SLC9A9: variants seen among roughly 807,000 people sequenced by gnomAD.
SLC9A9 encodes the protein solute carrier family 9 member A9, also known as sodium/hydrogen exchanger 9.
SLC9A9 carries 62 observed loss-of-function variants against 77.8 expected under a neutral mutation model. That is an observed-to-expected ratio of 0.80 (90% confidence interval 0.65 to 0.98). The LOEUF (loss-of-function observed/expected upper bound fraction) is 0.98, where lower values mean the gene tolerates loss of function less well. SLC9A9 is among the 50% of genes least tolerant of loss of function. The pLI is 0.00. For missense variants in SLC9A9, 775 were observed against 774.9 expected, an observed-to-expected ratio of 1.00 and a Z score of 0.00; for synonymous variants, 320 against 283.5, an observed-to-expected ratio of 1.13 and a Z score of -1.29.
At chr3:143,363,632 C>T in intron 13 of SLC9A9, 69 bp from the exon 14 acceptor site, 1 of 1,383,862 alleles carries the variant, frequency 7.2e-7, no homozygotes, top group East Asian at 2.4e-5. Context: ...AAATACATGT[C>T]AAACCAAGTT....
At chr3:143,284,427 A>C (rs1418458528) in intron 14 of SLC9A9, among the ~76,000 whole-genome samples, 3 of 150,936 alleles carry the variant, frequency 2.0e-5, no homozygotes, top group Non-Finnish European at 4.4e-5. Flanking sequence ...TTTGAAACCA[A>C]ATTTGAAATC....
At position 143,308,943 on chromosome 3, in the gene SLC9A9, T is replaced by C. The variant is rs187681357; in HGVS notation, c.1605-39963A>G. 1.5e-4 allele frequency among the ~76,000 whole-genome samples: 23 copies of C among 152,130 alleles called. No homozygotes were observed. The East Asian group carries it at 3.7e-3, about 24-fold the overall frequency. On this transcript the variant is annotated intron_variant, in intron 14 of 15. Transcript: ENST00000316549. ...CTTCAGCTTCTCTTAGGCTCAGTTT[T>C]CCCCCCATAAAACATGGAGATTGCA...
At chr3:143,298,526 G>C (rs746184195) in intron 14 of SLC9A9, among the ~76,000 whole-genome samples, 36 of 152,208 alleles carry the variant, frequency 2.4e-4, no homozygotes, top group Middle Eastern at 3.2e-3. Flanking sequence ...AAAGCTCAAG[G>C]CTGCTCAGTA....
intron 6 of SLC9A9, among the ~76,000 whole-genome samples, chr3:143,599,775 C>T (rs908706970): frequency 4.6e-5 from 7 of 152,202 alleles, no homozygotes; most frequent in South Asian, 2.1e-4. Context: ...AAATCTTATG[C>T]GTCCCTCAAG....
intron 4 of SLC9A9, among the ~76,000 whole-genome samples, chr3:143,782,874 C>T (rs1214220768): frequency 2.0e-5 from 3 of 152,144 alleles, no homozygotes; most frequent in Non-Finnish European, 4.4e-5. Flanking sequence ...ATATATTTGA[C>T]AATCAAAGCC....
At chr3:143,801,678 C>T (rs1244953104) in intron 2 of SLC9A9, among the ~76,000 whole-genome samples, 1 of 152,202 alleles carries the variant, frequency 6.6e-6, no homozygotes, top group African/African-American at 2.4e-5. Context: ...CTAATCGCCA[C>T]TCACCAGCAA....
At chr3:143,473,182 AC>A (rs1326474345) in intron 11 of SLC9A9, among the ~76,000 whole-genome samples, 2 of 151,818 alleles carry the variant, frequency 1.3e-5, no homozygotes, top group Non-Finnish European at 2.9e-5. Context: ...CCATCTCACA[AC>A]CTGCCTGTGC....
chr3:143,751,684 T>C (rs891606874), intron 4 of SLC9A9, among the ~76,000 whole-genome samples: 2 of 152,180 alleles, frequency 1.3e-5, no homozygotes, highest in African/African-American at 4.8e-5. Context: ...GAACCTCTGC[T>C]TCAGGGTTGG....
In SLC9A9 at chr3:143,662,386, C is replaced by T. The variant is rs186523552; in HGVS notation, c.650-10026G>A. ...TCCAGTCTACAGCTCCCAGCATGAG[C>T]GATGCAGAAGACAGGTGATTTCTGC... On this transcript the variant is annotated intron_variant, in intron 5 of 15. Coordinates refer to ENST00000316549, the MANE Select transcript of SLC9A9 (RefSeq NM_173653.4). Among the ~76,000 whole-genome samples, 35 of 152,346 alleles carry T rather than the reference C, an allele frequency of 2.3e-4. No individual in the cohort carries two copies. In the East Asian group the frequency reaches 2.7e-3, roughly 12 times the overall value.
At chr3:143,729,788 C>T (rs1934754991) in intron 4 of SLC9A9, among the ~76,000 whole-genome samples, 1 of 152,152 alleles carries the variant, frequency 6.6e-6, no homozygotes, top group African/African-American at 2.4e-5. Flanking sequence ...GTTGTGTCTG[C>T]TACTTAAGGC....
chr3:143,404,101 C>A (rs1214279046), intron 12 of SLC9A9, among the ~76,000 whole-genome samples: 1 of 151,500 alleles, frequency 6.6e-6, no homozygotes, highest in East Asian at 1.9e-4. Flanking sequence ...ATAGTTGGGC[C>A]CTTTTAGGAA....
chr3:143,806,525 C>A (rs767134060), intron 2 of SLC9A9, among the ~76,000 whole-genome samples: 1 of 152,094 alleles, frequency 6.6e-6, no homozygotes, highest in African/African-American at 2.4e-5. Context: ...GAAAAAAAAA[C>A]TTACTTTTGA....
chr3:143,798,095 A>C (rs116708439), intron 2 of SLC9A9, among the ~76,000 whole-genome samples: 24,040 of 151,468 alleles, frequency 0.16, 2,078 homozygotes, highest in South Asian at 0.29. Flanking sequence ...CGGTAAGCGG[A>C]CTCTCTTTAC....
chr3:143,843,183 G>A (rs1379405519), intron 1 of SLC9A9, among the ~76,000 whole-genome samples: 1 of 152,190 alleles, frequency 6.6e-6, no homozygotes, highest in Non-Finnish European at 1.5e-5. Flanking sequence ...GGGTGAAGTA[G>A]TAGGAAGCAT....
chr3:143,436,915 TC>T (rs1184727636), intron 12 of SLC9A9, among the ~76,000 whole-genome samples: 1 of 152,184 alleles, frequency 6.6e-6, no homozygotes, highest in Non-Finnish European at 1.5e-5. Context: ...CACTCAGAAG[TC>T]ACTTTCTTCT....
At chr3:143,488,305 G>A (rs1232709047) in intron 11 of SLC9A9, among the ~76,000 whole-genome samples, 2 of 151,914 alleles carry the variant, frequency 1.3e-5, no homozygotes, top group East Asian at 3.8e-4. Context: ...TGGTTTCACA[G>A]GTGATTTCTG....
chr3:143,269,343 C>T (rs933905005), intron 14 of SLC9A9, among the ~76,000 whole-genome samples: 4 of 152,180 alleles, frequency 2.6e-5, no homozygotes, highest in South Asian at 2.1e-4. Context: ...TGTACACACG[C>T]GTAGCTTAAA....
chr3:143,311,482 A>G (rs2031016407), intron 14 of SLC9A9, among the ~76,000 whole-genome samples: 1 of 152,218 alleles, frequency 6.6e-6, no homozygotes, highest in Non-Finnish European at 1.5e-5. Context: ...CCAGGACATG[A>G]GAAATTCTTC....
intron 5 of SLC9A9, among the ~76,000 whole-genome samples, chr3:143,666,815 C>T (rs1435256172): frequency 4.6e-5 from 7 of 152,108 alleles, no homozygotes; most frequent in Admixed American, 6.5e-5. Context: ...CAAAACACTG[C>T]TCAACAAAAT....
Sources: allele counts gnomAD v4.1 joint callset (sites outside exome capture counted in the v4.1 genomes callset), GRCh38; gene constraint gnomAD v4.1.1; transcripts MANE v1.5; gene names NCBI Gene and HGNC (gene_info 2026-07-23, HGNC 2026-07-21).